Variants in HSPA4 observed in about 807,000 individuals in gnomAD.
The protein encoded by HSPA4 is heat shock protein family A (Hsp70) member 4, also known as heat shock 70 kDa protein 4.
In HSPA4, 25 loss-of-function variants were observed where a neutral mutation model predicts 106.2. That is an observed-to-expected ratio of 0.24 (90% CI 0.17 to 0.33). The LOEUF is 0.33. HSPA4 is among the 10% of genes least tolerant of loss of function. The pLI is 1.00. For missense variants in HSPA4, 841 were observed against 996.0 expected (o/e 0.84, Z 2.10); for synonymous variants, 332 against 333.6 (o/e 1.00, Z 0.05).
intron 2 of HSPA4, 49 bp downstream of exon 2, chr5:133,065,086 A>G (rs1194419516): frequency 1.4e-5 from 21 of 1,508,892 alleles, no homozygotes; most frequent in Non-Finnish European, 1.8e-5. Context: ...CTCTTCATCC[A>G]TGTGTTCAGC....
chr5:133,068,243 A>G (rs945653214), intron 3 of HSPA4, among the ~76,000 whole-genome samples: 1 of 152,190 alleles, frequency 6.6e-6, no homozygotes, highest in Non-Finnish European at 1.5e-5. Flanking sequence ...TCTTGGAGAT[A>G]GGATTTAATT....
intron 4 of HSPA4, among the ~76,000 whole-genome samples, chr5:133,070,731 GT>G: frequency 6.6e-6 from 1 of 152,062 alleles, no homozygotes; most frequent in East Asian, 1.9e-4. Context: ...GTAAAACCCC[GT>G]CTCTACTAAA....
chr5:133,092,817 T>C (rs759730790), intron 13 of HSPA4, 28 bp downstream of exon 13: 19,178 of 956,190 alleles, frequency 0.02, 519 homozygotes, highest in South Asian at 0.028. Flanking sequence ...TTTTTTTTTT[T>C]TTTTTTTTTT....
chr5:133,073,906 G>T (rs1040782190), intron 5 of HSPA4, 87 bp from the exon 6 acceptor site: 6 of 837,280 alleles, frequency 7.2e-6, no homozygotes, highest in Non-Finnish European at 8.7e-6. Context: ...AGTTGCATTC[G>T]TTATATATAA....
chr5:133,090,235 G>A (rs112583792), intron 11 of HSPA4, among the ~76,000 whole-genome samples: 2 of 151,798 alleles, frequency 1.3e-5, no homozygotes, highest in African/African-American at 4.8e-5. Context: ...GACCATCCTG[G>A]CTAACATGGT....
At chr5:133,059,739 G>C (rs1389943310) in intron 1 of HSPA4, among the ~76,000 whole-genome samples, 1 of 152,118 alleles carries the variant, frequency 6.6e-6, no homozygotes, top group Non-Finnish European at 1.5e-5. Flanking sequence ...AGCTCTTCCT[G>C]TATACTAATC....
intron 1 of HSPA4, among the ~76,000 whole-genome samples, chr5:133,060,134 G>A (rs1765221012): frequency 6.7e-6 from 1 of 149,566 alleles, no homozygotes; most frequent in Admixed American, 6.7e-5. Context: ...AATGTTAATA[G>A]TGGCCCTCTG....
At chr5:133,053,328 CTTTTTTTTT>C (rs58722769) in intron 1 of HSPA4, among the ~76,000 whole-genome samples, 1 of 129,244 alleles carries the variant, frequency 7.7e-6, no homozygotes, top group Non-Finnish European at 1.6e-5. Flanking sequence ...GGTCTCTCTT[CTTTTTTTTT>C]TTTTTTTTTT....
rs1765253372 is a variant in HSPA4 at position 133,062,168 on chromosome 5, G to A, written c.108-2812G>A. ...CTTAGGTTCCATATTAAGGAATATAGGTTTTATTTGTTGGTAGTTGGTTTT... is the reference window on the plus strand; with the variant it reads ...CTTAGGTTCCATATTAAGGAATATAAGTTTTATTTGTTGGTAGTTGGTTTT... On this transcript the variant is annotated intron_variant, in intron 1 of 18. Transcript: ENST00000304858. Among the ~76,000 whole-genome samples the A allele has an allele frequency of 2.0e-5, 3 of 152,176 alleles. No homozygotes were observed. The East Asian group carries it at 5.8e-4, about 29-fold the overall frequency.
At chr5:133,089,790 G>A in intron 11 of HSPA4, 95 bp downstream of exon 11, 1 of 979,920 alleles carries the variant, frequency 1.0e-6, no homozygotes, top group Non-Finnish European at 1.5e-6. Flanking sequence ...AAGGTGGGAG[G>A]ATCACTTGAG....
At chr5:133,103,599 A>C (rs1765817330) in intron 17 of HSPA4, among the ~76,000 whole-genome samples, 1 of 152,106 alleles carries the variant, frequency 6.6e-6, no homozygotes, top group Non-Finnish European at 1.5e-5. Context: ...ATTTTGTATA[A>C]ATCGGGTGCT....
In HSPA4 at chr5:133,092,798, TG is replaced by T; in HGVS notation, c.1650+12del. ...AGTCTGAAGAAATGGAGGTATGCAT[TG>T]GGTGGTGTTTTTTTTTTTTTTTTTT... On this transcript the variant is annotated intron_variant, in intron 13 of 18. Transcript: ENST00000304858. 1 of 1,165,064 alleles carries T rather than the reference TG, an allele frequency of 8.6e-7. No homozygotes were observed. The highest frequency in any genetic ancestry group is 1.2e-6 in the Non-Finnish European group (1 of 814,168). 72.2% of individuals were successfully genotyped at this position (1,165,064 alleles called of 1,614,324 possible).
At chr5:133,056,360 A>T (rs1765164583) in intron 1 of HSPA4, among the ~76,000 whole-genome samples, 1 of 152,130 alleles carries the variant, frequency 6.6e-6, no homozygotes, top group Non-Finnish European at 1.5e-5. Context: ...CAGTGGGAAG[A>T]TTATTTTTTG....
chr5:133,057,496 C>CT (rs1765181267), intron 1 of HSPA4, among the ~76,000 whole-genome samples: 1 of 151,920 alleles, frequency 6.6e-6, no homozygotes, highest in Non-Finnish European at 1.5e-5. Context: ...ATAGCTGGGA[C>CT]TACAGGTGCA....
intron 7 of HSPA4, among the ~76,000 whole-genome samples, chr5:133,085,682 G>A (rs1378089778): frequency 1.3e-5 from 2 of 150,468 alleles, no homozygotes; most frequent in Non-Finnish European, 3.0e-5. Context: ...TGCCGCCCCC[G>A]CCCCCCAAAA....
chr5:133,077,444 G>T (rs1002974101), intron 7 of HSPA4, among the ~76,000 whole-genome samples: 2 of 152,130 alleles, frequency 1.3e-5, no homozygotes, highest in Non-Finnish European at 2.9e-5. Flanking sequence ...CGCCATGTTG[G>T]CCAGGCTGGT....
intron 7 of HSPA4, among the ~76,000 whole-genome samples, chr5:133,086,317 A>G (rs986622701): frequency 1.3e-5 from 2 of 152,186 alleles, no homozygotes; most frequent in African/African-American, 4.8e-5. Flanking sequence ...CTTTCTCTGG[A>G]TATACCTATT....
chr5:133,088,641 A>T, intron 9 of HSPA4, 86 bp downstream of exon 9: 1 of 1,170,238 alleles, frequency 8.5e-7, no homozygotes, highest in Non-Finnish European at 1.3e-6. Flanking sequence ...ACCTGGGATT[A>T]GCTCAGGGTG....
rs141306105 is a variant in HSPA4, at chr5:133,091,507, C to T, written c.1560+133C>T. 15 of 615,214 alleles carry T rather than the reference C, an allele frequency of 2.4e-5. No homozygotes were observed. In the East Asian group the frequency reaches 4.2e-4, roughly 17 times the overall value. 38.1% of individuals were successfully genotyped at this position (615,214 alleles called of 1,614,324 possible). A position where few individuals can be genotyped will look rare whatever the true frequency, so the allele number is the denominator to read the frequency against. On this transcript the variant is annotated intron_variant, in intron 12 of 18. Transcript: ENST00000304858. ...AGTGAGAGTGGGTTTGTATGTTTGC[C>T]CTTCCCCCAATATAAGTGAACCAGC... is the stretch of plus-strand genomic sequence containing the variant.
Sources: gnomAD v4.1 joint callset for allele counts (sites outside exome capture counted in the v4.1 genomes callset) on GRCh38, gnomAD v4.1.1 for gene constraint, MANE v1.5 for transcripts, NCBI Gene and HGNC (gene_info 2026-07-23, HGNC 2026-07-21) for gene names.